The following ELMO1 variants were observed in gnomAD, a reference collection of about 807,000 sequenced individuals.
ELMO1 encodes the protein engulfment and cell motility protein 1.
ELMO1 carries 26 observed loss-of-function variants against 98.9 expected under a neutral mutation model. The observed-to-expected ratio is 0.26, with a 90% confidence interval of 0.19 to 0.36. The LOEUF (loss-of-function observed/expected upper bound fraction) is 0.36. Ranked by LOEUF, ELMO1 falls within the 10% of genes least tolerant of loss-of-function variation. The probability of loss-of-function intolerance (pLI) is 1.00; values close to 1 mark genes in which losing one functional copy is unlikely to be tolerated. For missense variants in ELMO1, 627 were observed against 935.2 expected, an observed-to-expected ratio of 0.67 and a Z score of 4.30; for synonymous variants, 346 against 346.0, an observed-to-expected ratio of 1.00 and a Z score of 0.00.
intron 16 of ELMO1, among the ~76,000 whole-genome samples, chr7:36,947,927 GAAT>G (rs1787636502): frequency 6.6e-6 from 1 of 152,078 alleles, no homozygotes; most frequent in African/African-American, 2.4e-5. Context: ...TTATTTAACT[GAAT>G]AATATGGCAA....
Position 37,140,259 on chromosome 7 carries a change from G to A in ELMO1, c.1087-7025C>T, listed in dbSNP as rs1029766074. On this transcript the variant is annotated intron_variant, in intron 13 of 21. Transcript: ENST00000310758. ...AAATTAGCTGGGCGTGGTGGCAGGC[G>A]CCTATAGTCCCAACTACTCCGGAGG... Among the ~76,000 whole-genome samples the A allele has an allele frequency of 2.2e-4, 33 of 151,636 alleles. No individual in the cohort carries two copies. The South Asian group carries it at 4.0e-3, about 18-fold the overall frequency.
intron 21 of ELMO1, among the ~76,000 whole-genome samples, chr7:36,859,948 G>A (rs868582526): frequency 2.8e-4 from 43 of 151,940 alleles, no homozygotes; most frequent in Middle Eastern, 3.4e-3. Context: ...AGACCAACCC[G>A]TCCTCTTCCT....
In ELMO1 at chr7:36,888,140, A is replaced by G. The variant is rs530898764; in HGVS notation, c.1602-468T>C. Among the ~76,000 whole-genome samples the G allele has an allele frequency of 4.6e-5, 7 of 152,366 alleles. No homozygotes were observed. The South Asian group carries it at 1.2e-3, about 27-fold the overall frequency. ...CCACAGCAAACACTGTGTAGTGAGC[A>G]AACCACAGGACCACTTTTGCTTCCA... On this transcript the variant is annotated intron_variant, in intron 17 of 21. Coordinates refer to ENST00000310758, the MANE Select transcript of ELMO1 (RefSeq NM_014800.11).
At chr7:37,104,867 G>C (rs977584678) in intron 14 of ELMO1, among the ~76,000 whole-genome samples, 3 of 150,512 alleles carry the variant, frequency 2.0e-5, no homozygotes, top group African/African-American at 7.3e-5. Context: ...AAAAAGAAAA[G>C]AAAACGCACA....
chr7:37,258,215 C>G (rs1186303206), intron 6 of ELMO1, among the ~76,000 whole-genome samples: 2 of 152,062 alleles, frequency 1.3e-5, no homozygotes, highest in East Asian at 3.9e-4. Flanking sequence ...TTGCAGTGAA[C>G]CGAGATCGTC....
intron 1 of ELMO1, among the ~76,000 whole-genome samples, chr7:37,410,902 C>G (rs1803969216): frequency 6.6e-6 from 1 of 151,998 alleles, no homozygotes; most frequent in Non-Finnish European, 1.5e-5. Flanking sequence ...TTTTTGTCAC[C>G]CTCCCTCTGT....
At chr7:37,018,365 A>C (rs538993040) in intron 15 of ELMO1, among the ~76,000 whole-genome samples, 11 of 152,166 alleles carry the variant, frequency 7.2e-5, no homozygotes, top group African/African-American at 2.6e-4. Flanking sequence ...ACCTCAGGTG[A>C]TCTGCCCGCC....
At chr7:37,206,124 G>A (rs1025849431) in intron 13 of ELMO1, among the ~76,000 whole-genome samples, 36 of 152,036 alleles carry the variant, frequency 2.4e-4, no homozygotes, top group Non-Finnish European at 3.1e-4. Flanking sequence ...AGCACTGGAC[G>A]CCATTCCAAT....
chr7:36,953,837 TTTTGTGTGTGTGTGTGTGTG>T (rs1418741024), intron 16 of ELMO1, among the ~76,000 whole-genome samples: 1 of 132,334 alleles, frequency 7.6e-6, no homozygotes, highest in African/African-American at 2.8e-5. Context: ...TATGGGTATG[TTTTGTGTGTGTGTGTGTGTG>T]TGTGTGTGTG....
Position 37,191,642 on chromosome 7 carries a change from G to A in ELMO1, c.1086+19744C>T, listed in dbSNP as rs117019870. ...AATAAAATGTTATCTGGCATCGGCC[G>A]GGCACGGTGGCTCAAGCCTGTAATC... On this transcript the variant is annotated intron_variant, in intron 13 of 21. Transcript: ENST00000310758. 4.5e-4 allele frequency among the ~76,000 whole-genome samples: 68 copies of A among 152,110 alleles called. No individual in the cohort carries two copies. The East Asian group carries it at 9.1e-3, about 20-fold the overall frequency.
At chr7:37,383,965 G>C (rs1364259679) in intron 1 of ELMO1, among the ~76,000 whole-genome samples, 1 of 152,050 alleles carries the variant, frequency 6.6e-6, no homozygotes, top group East Asian at 1.9e-4. Flanking sequence ...ACAAGCGCCC[G>C]CCACCGCGCC....
intron 1 of ELMO1, among the ~76,000 whole-genome samples, chr7:37,385,456 C>T (rs1802760214): frequency 1.3e-5 from 2 of 152,212 alleles, no homozygotes; most frequent in Admixed American, 6.5e-5. Context: ...TTCTTCACTC[C>T]GGTTTCCATT....
intron 17 of ELMO1, among the ~76,000 whole-genome samples, chr7:36,891,650 GAA>G (rs1277397424): frequency 1.3e-5 from 2 of 152,204 alleles, no homozygotes; most frequent in East Asian, 3.8e-4. Flanking sequence ...CCAGGCATAT[GAA>G]AAGTGCTTTT....
chr7:37,164,378 T>C (rs1236727156), intron 13 of ELMO1, among the ~76,000 whole-genome samples: 3 of 152,040 alleles, frequency 2.0e-5, no homozygotes, highest in Non-Finnish European at 4.4e-5. Flanking sequence ...TTTGTTGCCA[T>C]TGCTTTTGGT....
rs1343496931 is a variant in ELMO1, at chr7:36,854,722, A to C, written c.*829T>G. ...GCAACAGTCCGTCCTAGAGGCATTTAGGTTTAGTCTATTAGAGATGGAGCG... is the reference window on the plus strand; with the variant it reads ...GCAACAGTCCGTCCTAGAGGCATTTCGGTTTAGTCTATTAGAGATGGAGCG... On this transcript the variant is annotated 3_prime_UTR_variant, in exon 22 of 22. Coordinates refer to ENST00000310758, the MANE Select transcript of ELMO1 (RefSeq NM_014800.11). 2 of 152,686 alleles carry C rather than the reference A, an allele frequency of 1.3e-5. No homozygotes were observed. The highest frequency in any genetic ancestry group is 1.3e-4 in the Admixed American group (2 of 15,288). 9.5% of individuals were successfully genotyped at this position (152,686 alleles called of 1,614,324 possible). A position where few individuals can be genotyped will look rare whatever the true frequency, so the allele number is the denominator to read the frequency against.
Position 36,962,650 on chromosome 7 carries a change from C to A in ELMO1, c.1437+50649G>T, listed in dbSNP as rs560945442. 1.4e-4 allele frequency among the ~76,000 whole-genome samples: 18 copies of A among 125,536 alleles called. No homozygotes were observed. In the Middle Eastern group the frequency reaches 0.013, roughly 90 times the overall value. 82.4% of individuals were successfully genotyped at this position (125,536 alleles called of 152,430 possible). ...CTTCCAAGCTCTGGCTTGAGTTATG[C>A]ATCTAAGGGAATTAACGGGGGTGGG... On this transcript the variant is annotated intron_variant, in intron 16 of 21. Coordinates refer to ENST00000310758, the MANE Select transcript of ELMO1 (RefSeq NM_014800.11).
intron 15 of ELMO1, among the ~76,000 whole-genome samples, chr7:37,022,202 T>C (rs1269893298): frequency 2.0e-5 from 3 of 152,232 alleles, no homozygotes; most frequent in Admixed American, 1.3e-4. Flanking sequence ...GAAAGTTTCT[T>C]AAACAAAACA....
chr7:37,267,733 A>C (rs762799044), intron 5 of ELMO1, among the ~76,000 whole-genome samples: 39 of 152,240 alleles, frequency 2.6e-4, no homozygotes, highest in Non-Finnish European at 4.6e-4. Flanking sequence ...ATACATGCAC[A>C]GACATTATTT....
At chr7:37,316,582 G>A (rs143145496) in intron 2 of ELMO1, among the ~76,000 whole-genome samples, 241 of 152,212 alleles carry the variant, frequency 1.6e-3, no homozygotes, top group African/African-American at 5.6e-3. Context: ...GTTCTGTTGT[G>A]CCTAACAGCC....
Sources: allele counts gnomAD v4.1 joint callset (sites outside exome capture counted in the v4.1 genomes callset), GRCh38; gene constraint gnomAD v4.1.1; transcripts MANE v1.5; gene names NCBI Gene and HGNC (gene_info 2026-07-23, HGNC 2026-07-21).